DCLK1: variants seen among roughly 807,000 people sequenced by gnomAD.
The protein encoded by DCLK1 is doublecortin like kinase 1.
In DCLK1, 16 loss-of-function variants were observed where a neutral mutation model predicts 86.2. The observed-to-expected ratio is 0.19, with a 90% CI of 0.13 to 0.28. The LOEUF is 0.28. DCLK1 is among the 10% of genes least tolerant of loss of function. DCLK1 has a pLI of 1.00. For missense variants in DCLK1, 590 were observed against 940.2 expected (o/e 0.63, Z 4.87); for synonymous variants, 369 against 370.5 (o/e 1.00, Z 0.05).
chr13:35,809,763 CTCAT>C (rs2087103289), intron 12 of DCLK1, among the ~76,000 whole-genome samples: 1 of 152,184 alleles, frequency 6.6e-6, no homozygotes, highest in Non-Finnish European at 1.5e-5. Flanking sequence ...GGGCTCCCAC[CTCAT>C]TCAAATTTGC....
intron 16 of DCLK1, among the ~76,000 whole-genome samples, chr13:35,786,766 A>C (rs976552731): frequency 6.6e-6 from 1 of 152,164 alleles, no homozygotes; most frequent in African/African-American, 2.4e-5. Flanking sequence ...CCTCCAAAAT[A>C]AGGTCAAAAA....
chr13:35,919,172 A>C (rs1204598890), intron 4 of DCLK1, among the ~76,000 whole-genome samples: 1 of 152,088 alleles, frequency 6.6e-6, no homozygotes, highest in African/African-American at 2.4e-5. Context: ...GATTACAGCC[A>C]TCAGCCACCA....
intron 4 of DCLK1, among the ~76,000 whole-genome samples, chr13:35,927,944 G>A (rs192230705): frequency 7.9e-5 from 12 of 152,292 alleles, no homozygotes; most frequent in Admixed American, 5.9e-4. Context: ...AGAGGGTGAC[G>A]TGTCCTGATC....
intron 16 of DCLK1, among the ~76,000 whole-genome samples, chr13:35,780,521 C>T (rs4614590): frequency 0.098 from 14,860 of 152,174 alleles, 1,340 homozygotes; most frequent in African/African-American, 0.24. Context: ...AAGGATGCAG[C>T]TCTAACCTAG....
intron 3 of DCLK1, among the ~76,000 whole-genome samples, chr13:36,018,854 A>T (rs1881639760): frequency 6.6e-6 from 1 of 152,192 alleles, no homozygotes; most frequent in African/African-American, 2.4e-5. Flanking sequence ...ATCTTCTGCA[A>T]TTTAGTTTAG....
intron 3 of DCLK1, among the ~76,000 whole-genome samples, chr13:36,085,882 T>A (rs1229290119): frequency 1.3e-5 from 2 of 152,140 alleles, no homozygotes; most frequent in African/African-American, 4.8e-5. Flanking sequence ...CTGGCAACTT[T>A]GAATAAACAG....
At chr13:35,983,191 T>A (rs1879747595) in intron 3 of DCLK1, among the ~76,000 whole-genome samples, 2 of 152,188 alleles carry the variant, frequency 1.3e-5, no homozygotes, top group South Asian at 4.2e-4. Flanking sequence ...AGTGGTACCA[T>A]AACAGCTCAC....
intron 3 of DCLK1, among the ~76,000 whole-genome samples, chr13:35,962,011 T>C (rs554121680): frequency 1.3e-5 from 2 of 152,346 alleles, no homozygotes; most frequent in South Asian, 4.1e-4. Flanking sequence ...AAATTATTTG[T>C]AGTGTTATAC....
At chr13:35,805,408 C>T in intron 15 of DCLK1, 1 of 299,660 alleles carries the variant, frequency 3.3e-6, no homozygotes, top group East Asian at 5.9e-5. Flanking sequence ...GCAATCCTAC[C>T]ACCTCAGCCT....
intron 6 of DCLK1, chr13:35,847,623 AAAAGAAAG>A (rs6145000): frequency 0.57 from 373,870 of 650,692 alleles, 98,155 homozygotes; most frequent in Middle Eastern, 0.59. Flanking sequence ...TTAAGCAAAA[AAAAGAAAG>A]AAAGAAAGAA....
intron 3 of DCLK1, among the ~76,000 whole-genome samples, chr13:35,960,251 AAATG>A (rs1366640291): frequency 1.3e-5 from 2 of 152,158 alleles, no homozygotes; most frequent in African/African-American, 4.8e-5. Flanking sequence ...TTCACCTTAA[AAATG>A]AATACTCTCT....
rs188623799 is a variant in DCLK1 at position 35,928,193 on chromosome 13, A to G, written c.823+19165T>C. Among the ~76,000 whole-genome samples the G allele has an allele frequency of 2.5e-3, 387 of 152,304 alleles. 2 individuals are homozygous for G. The highest frequency in any genetic ancestry group is 4.8e-3 in the Admixed American group (74 of 15,302). ...GTGTGGGTGGCCTGGGGACTCCTAA[A>G]TCTATGGCTGGTCCTGAAGCGTGGG... On this transcript the variant is annotated intron_variant, in intron 4 of 16. Transcript: ENST00000360631.
chr13:35,796,084 G>A (rs2086804726), intron 15 of DCLK1, among the ~76,000 whole-genome samples: 2 of 152,158 alleles, frequency 1.3e-5, no homozygotes, highest in South Asian at 4.1e-4. Flanking sequence ...GATACTGAAA[G>A]TCTTCTGAAT....
At chr13:35,802,691 G>T (rs1277073909) in intron 15 of DCLK1, among the ~76,000 whole-genome samples, 1 of 152,018 alleles carries the variant, frequency 6.6e-6, no homozygotes, top group Non-Finnish European at 1.5e-5. Context: ...TCAACAATTT[G>T]AGCAAAGATA....
chr13:35,788,333 A>G, intron 16 of DCLK1: 1 of 1,568,542 alleles, frequency 6.4e-7, no homozygotes. Context: ...ATTGTGCTAA[A>G]GAATTAAGAC....
chr13:35,838,220 C>T (rs923601262), intron 7 of DCLK1, among the ~76,000 whole-genome samples: 1 of 152,120 alleles, frequency 6.6e-6, no homozygotes, highest in Non-Finnish European at 1.5e-5. Context: ...ACAAAAAATT[C>T]TGAAGTTGCA....
At chr13:35,815,957 A>G (rs767070366) in intron 11 of DCLK1, among the ~76,000 whole-genome samples, 3 of 152,206 alleles carry the variant, frequency 2.0e-5, no homozygotes, top group Non-Finnish European at 4.4e-5. Flanking sequence ...ATTGCTCTTC[A>G]ATATTACACT....
At chr13:35,817,950 T>C (rs1170375365) in intron 11 of DCLK1, among the ~76,000 whole-genome samples, 1 of 152,230 alleles carries the variant, frequency 6.6e-6, no homozygotes, top group Non-Finnish European at 1.5e-5. Context: ...TATGTTTATC[T>C]CTTGTTTAAT....
chr13:35,935,994 G>A (rs1876731223), intron 4 of DCLK1, among the ~76,000 whole-genome samples: 1 of 152,138 alleles, frequency 6.6e-6, no homozygotes, highest in African/African-American at 2.4e-5. Context: ...GGAATAGAGA[G>A]TAATTAAGTT....
Sources: allele counts gnomAD v4.1 joint callset (sites outside exome capture counted in the v4.1 genomes callset), GRCh38; gene constraint gnomAD v4.1.1; transcripts MANE v1.5; gene names NCBI Gene and HGNC (gene_info 2026-07-23, HGNC 2026-07-21).